Variants in PLSCR2 observed in about 807,000 individuals in gnomAD.
The protein encoded by PLSCR2 is PL scramblase 2.
Under a neutral mutation model 25.3 loss-of-function variants are expected in PLSCR2, and 18 were observed. That is an observed-to-expected ratio of 0.71 (90% CI 0.49 to 1.06). The LOEUF is 1.06. Among genes scored for constraint, PLSCR2 ranks in the 50% least tolerant of loss-of-function variants. The pLI is 0.00. For synonymous variants in PLSCR2, 88 were observed against 87.3 expected, an observed-to-expected ratio of 1.01 and a Z score of -0.04; for missense variants, 243 against 269.5, an observed-to-expected ratio of 0.90 and a Z score of 0.69.
At chr3:146,485,815 C>T (rs2108555710) in intron 1 of PLSCR2, among the ~76,000 whole-genome samples, 1 of 152,208 alleles carries the variant, frequency 6.6e-6, no homozygotes, top group South Asian at 2.1e-4. Flanking sequence ...GGGGAAGCCT[C>T]ACAATCATGG....
At chr3:146,494,142 A>T (rs1276072928) in intron 1 of PLSCR2, among the ~76,000 whole-genome samples, 2 of 152,066 alleles carry the variant, frequency 1.3e-5, no homozygotes, top group Non-Finnish European at 2.9e-5. Context: ...GAGTTCTAAA[A>T]TTTTGGTTTT....
At chr3:146,415,302 G>C (rs1217512945) in intron 2 of PLSCR2, 4 of 152,100 alleles carry the variant, frequency 2.6e-5, no homozygotes, top group Admixed American at 2.6e-4. Context: ...ATTTTTTTCT[G>C]TCACTTGTCT....
intron 3 of PLSCR2, among the ~76,000 whole-genome samples, chr3:146,456,656 T>C (rs1011156844): frequency 6.6e-6 from 1 of 152,218 alleles, no homozygotes; most frequent in East Asian, 1.9e-4. Flanking sequence ...GCAACAATTA[T>C]ATTTTTAGCA....
intron 2 of PLSCR2, among the ~76,000 whole-genome samples, chr3:146,414,774 TAAC>T (rs1473244337): frequency 6.6e-6 from 1 of 152,208 alleles, no homozygotes; most frequent in African/African-American, 2.4e-5. Context: ...CTGCTTCTAT[TAAC>T]AAAATTTCTG....
At chr3:146,392,684 A>T (rs1459326309) in intron 3 of PLSCR2, among the ~76,000 whole-genome samples, 1 of 151,614 alleles carries the variant, frequency 6.6e-6, no homozygotes, top group Non-Finnish European at 1.5e-5. Context: ...ATGAGGTTTT[A>T]TGGGGTACAC....
At chr3:146,440,810 C>T (rs992832948), downstream of PLSCR2, among the ~76,000 whole-genome samples, 1 of 152,132 alleles carries the variant, frequency 6.6e-6, no homozygotes, top group Non-Finnish European at 1.5e-5. Context: ...AAAACTATAT[C>T]AATAAATTTT....
At chr3:146,475,706 G>A (rs552733273) in intron 1 of PLSCR2, among the ~76,000 whole-genome samples, 10 of 152,272 alleles carry the variant, frequency 6.6e-5, no homozygotes, top group Non-Finnish European at 7.4e-5. Flanking sequence ...CTGCATAAGT[G>A]TATCTCCCAG....
At chr3:146,451,107 C>CTTT (rs58373001) in intron 5 of PLSCR2, among the ~76,000 whole-genome samples, 106 of 79,472 alleles carry the variant, frequency 1.3e-3, no homozygotes, top group East Asian at 2.0e-3. Flanking sequence ...ATTAAGTTTT[C>CTTT]TTTTTTTTTT....
intron 2 of PLSCR2, among the ~76,000 whole-genome samples, chr3:146,426,275 T>TC (rs2039348609): frequency 8.3e-6 from 1 of 119,788 alleles, no homozygotes; most frequent in African/African-American, 3.5e-5. Flanking sequence ...CCTTCCTTCT[T>TC]TTCTTCCTTC....
chr3:146,414,597 A>AT lies in PLSCR2; in HGVS notation c.101-18677dup, dbSNP rs10627858. Among the ~76,000 whole-genome samples, 1,342 of 150,244 alleles carry AT rather than the reference A, an allele frequency of 8.9e-3. 21 individuals are homozygous for AT. The highest frequency in any genetic ancestry group is 0.026 in the African/African-American group (1,077 of 41,022). On this transcript the variant is annotated intron_variant and NMD_transcript_variant, in intron 2 of 3. Transcript: ENST00000463633. ...AACGCATAAGAAAGGCAATGATAGT[A>AT]TTTTTTTTTTGTAACTAGACACTCA...
intron 2 of PLSCR2, among the ~76,000 whole-genome samples, chr3:146,397,784 T>C (rs2038323312): frequency 6.6e-6 from 1 of 152,120 alleles, no homozygotes; most frequent in African/African-American, 2.4e-5. Flanking sequence ...ATGCATAGTC[T>C]ACTCTGTTAC....
At chr3:146,463,921 A>G (rs994473607), upstream of PLSCR2, 1 of 974,534 alleles carries the variant, frequency 1.0e-6, no homozygotes, top group African/African-American at 1.8e-5. Context: ...TTCTCCAATT[A>G]TAGTCACCTC....
intron 2 of PLSCR2, among the ~76,000 whole-genome samples, chr3:146,424,413 T>C (rs923602560): frequency 6.6e-6 from 1 of 152,098 alleles, no homozygotes; most frequent in African/African-American, 2.4e-5. Flanking sequence ...CATATGAATT[T>C]TTGGGGGACA....
In PLSCR2 at chr3:146,424,182, C is replaced by T. The variant is rs367708080; in HGVS notation, c.101-28261G>A. On this transcript the variant is annotated intron_variant and NMD_transcript_variant, in intron 2 of 3. Transcript: ENST00000463633. ...CAGCATGGTAAGTTTCTGGTGAGAG[C>T]TCACTTCTTGATTTATACATGGCCA... Among the ~76,000 whole-genome samples, 90 of 151,446 alleles carry T rather than the reference C, an allele frequency of 5.9e-4. 1 individual carries two copies. In the South Asian group the frequency reaches 0.018, roughly 30 times the overall value.
At chr3:146,404,174 T>C (rs1189740772) in intron 2 of PLSCR2, among the ~76,000 whole-genome samples, 1 of 152,212 alleles carries the variant, frequency 6.6e-6, no homozygotes, top group Non-Finnish European at 1.5e-5. Context: ...TGCTCACCAT[T>C]GCTCCATCTG....
chr3:146,481,974 A>G (rs1398201737), intron 1 of PLSCR2, among the ~76,000 whole-genome samples: 1 of 152,148 alleles, frequency 6.6e-6, no homozygotes, highest in African/African-American at 2.4e-5. Context: ...CAAAAAATGA[A>G]GAAAGGATTT....
exon 5 of PLSCR2, chr3:146,454,010 C>G: frequency 6.4e-7 from 1 of 1,565,358 alleles, no homozygotes; most frequent in South Asian, 1.2e-5. Context: ...ACCTCAAAAT[C>G]AACACCCGCA....
intron 1 of PLSCR2, among the ~76,000 whole-genome samples, chr3:146,472,983 C>CTT (rs2042167584): frequency 1.3e-5 from 2 of 152,192 alleles, no homozygotes; most frequent in Admixed American, 1.3e-4. Flanking sequence ...TCTTCCTCTC[C>CTT]TTATAAGGAC....
intron 1 of PLSCR2, among the ~76,000 whole-genome samples, chr3:146,474,999 TG>T (rs1315131852): frequency 2.0e-5 from 3 of 151,946 alleles, no homozygotes; most frequent in Non-Finnish European, 1.5e-5. Flanking sequence ...AGGTGGTTTT[TG>T]TTCCTCCCTA....
Sources: gnomAD v4.1 joint callset for allele counts (sites outside exome capture counted in the v4.1 genomes callset) on GRCh38, gnomAD v4.1.1 for gene constraint, MANE v1.5 for transcripts, NCBI Gene and HGNC (gene_info 2026-07-23, HGNC 2026-07-21) for gene names.